Variants in PLXDC2 observed in about 807,000 individuals in gnomAD.
The protein encoded by PLXDC2 is plexin domain-containing protein 2.
In PLXDC2, 40 loss-of-function variants were observed where a neutral mutation model predicts 68.9. The observed-to-expected ratio is 0.58, with a 90% CI of 0.45 to 0.76. PLXDC2 has a LOEUF of 0.76. PLXDC2 is among the 30% of genes least tolerant of loss of function. The probability of loss-of-function intolerance (pLI) is 0.00; values close to 1 mark genes in which losing one functional copy is unlikely to be tolerated. For missense variants in PLXDC2, 644 were observed against 661.9 expected (o/e 0.97, Z 0.30); for synonymous variants, 243 against 234.2 (o/e 1.04, Z -0.34).
chr10:20,090,412 T>TC (rs2131729882), intron 4 of PLXDC2, among the ~76,000 whole-genome samples: 1 of 152,182 alleles, frequency 6.6e-6, no homozygotes, highest in East Asian at 1.9e-4. Context: ...GTGAGAACAG[T>TC]CAATGAATGA....
At chr10:19,911,167 T>C (rs1216106020) in intron 1 of PLXDC2, among the ~76,000 whole-genome samples, 1 of 151,848 alleles carries the variant, frequency 6.6e-6, no homozygotes, top group Non-Finnish European at 1.5e-5. Context: ...GACCATATAA[T>C]ATTTGAAAGT....
intron 4 of PLXDC2, among the ~76,000 whole-genome samples, chr10:20,069,274 T>A (rs1021533685): frequency 6.6e-6 from 1 of 152,134 alleles, no homozygotes; most frequent in Non-Finnish European, 1.5e-5. Flanking sequence ...CTCTGAGTGA[T>A]GGTAAATAAG....
At chr10:20,067,603 T>C (rs988380444) in intron 3 of PLXDC2, among the ~76,000 whole-genome samples, 9 of 151,656 alleles carry the variant, frequency 5.9e-5, no homozygotes, top group Non-Finnish European at 7.4e-5. Context: ...AGGAGAATTG[T>C]TTGAACCCAG....
At chr10:20,258,896 T>C (rs1323314227) in intron 13 of PLXDC2, among the ~76,000 whole-genome samples, 1 of 151,522 alleles carries the variant, frequency 6.6e-6, no homozygotes, top group African/African-American at 2.4e-5. Context: ...TAGTCCCAGC[T>C]ACTCAGGAGG....
intron 13 of PLXDC2, among the ~76,000 whole-genome samples, chr10:20,266,410 T>C (rs1276756055): frequency 1.3e-5 from 2 of 151,002 alleles, no homozygotes; most frequent in Non-Finnish European, 3.0e-5. Flanking sequence ...GAACAATTGT[T>C]GTTTATTGAA....
At chr10:19,852,409 G>T in intron 1 of PLXDC2, among the ~76,000 whole-genome samples, 1 of 109,106 alleles carries the variant, frequency 9.2e-6, no homozygotes, top group South Asian at 3.3e-4. Context: ...CTGGGTGACA[G>T]AGCAAGACCC....
intron 1 of PLXDC2, among the ~76,000 whole-genome samples, chr10:19,830,946 T>C (rs1836678389): frequency 6.6e-6 from 1 of 152,148 alleles, no homozygotes; most frequent in Admixed American, 6.5e-5. Flanking sequence ...AGGACTCTTC[T>C]TCCCACTAAA....
chr10:20,143,795 A>T (rs1195459734), intron 5 of PLXDC2, among the ~76,000 whole-genome samples: 1 of 152,112 alleles, frequency 6.6e-6, no homozygotes, highest in Non-Finnish European at 1.5e-5. Flanking sequence ...TAATATATTG[A>T]CATTAAATTT....
intron 1 of PLXDC2, among the ~76,000 whole-genome samples, chr10:19,890,192 T>A (rs1392833620): frequency 2.6e-5 from 4 of 152,232 alleles, no homozygotes; most frequent in African/African-American, 9.6e-5. Flanking sequence ...ATAGTCATGA[T>A]AGAGAACTGC....
chr10:19,928,460 T>C (rs11011682), intron 1 of PLXDC2, among the ~76,000 whole-genome samples: 22,442 of 152,158 alleles, frequency 0.15, 2,123 homozygotes, highest in East Asian at 0.28. Flanking sequence ...TTTACAAATA[T>C]ACCTTTTTGT....
intron 4 of PLXDC2, chr10:20,091,870 T>C (rs1833281977): frequency 6.6e-6 from 1 of 152,202 alleles, no homozygotes; most frequent in African/African-American, 2.4e-5. Flanking sequence ...TTGTAAAACA[T>C]CTGTTCCCCT....
chr10:19,858,187 A>G (rs140700762), intron 1 of PLXDC2, among the ~76,000 whole-genome samples: 217 of 152,262 alleles, frequency 1.4e-3, no homozygotes, highest in African/African-American at 4.9e-3. Flanking sequence ...CAAATTTTCA[A>G]GCAAAAATCT....
At chr10:19,935,563 C>T (rs1018588665) in intron 1 of PLXDC2, among the ~76,000 whole-genome samples, 8 of 152,198 alleles carry the variant, frequency 5.3e-5, no homozygotes, top group Non-Finnish European at 1.2e-4. Context: ...ATGCACACAT[C>T]TGGCTATTCC....
chr10:19,960,122 C>G (rs972657228), intron 1 of PLXDC2, among the ~76,000 whole-genome samples: 4 of 140,994 alleles, frequency 2.8e-5, no homozygotes, highest in African/African-American at 1.1e-4. Context: ...CTTTGGGGGG[C>G]TGAGGTAGAA....
In PLXDC2 at chr10:19,901,971, G is replaced by T. The variant is rs545224234; in HGVS notation, c.112+84780G>T. Reference sequence around the variant, plus strand: ...TTATGTTTTTGTTTGCTTTGTTGAAGTCAGTTGGCTATAAGTATTTGGCTT... The same window carrying T: ...TTATGTTTTTGTTTGCTTTGTTGAATTCAGTTGGCTATAAGTATTTGGCTT... On this transcript the variant is annotated intron_variant, in intron 1 of 13. Coordinates refer to ENST00000377252, the MANE Select transcript of PLXDC2 (RefSeq NM_032812.9). Among the ~76,000 whole-genome samples, 19 of 152,044 alleles carry T rather than the reference G, an allele frequency of 1.2e-4. 1 individual carries two copies. Among genetic ancestry groups the T allele is most frequent in the Non-Finnish European group, 2.5e-4 (17 of 67,980 alleles).
chr10:20,151,179 G>T (rs1471686126), intron 6 of PLXDC2, among the ~76,000 whole-genome samples: 3 of 152,052 alleles, frequency 2.0e-5, no homozygotes, highest in African/African-American at 7.2e-5. Flanking sequence ...TGTAAAATTT[G>T]TCGTAAGAGA....
At chr10:19,912,889 A>G (rs1051829516) in intron 1 of PLXDC2, among the ~76,000 whole-genome samples, 1 of 152,210 alleles carries the variant, frequency 6.6e-6, no homozygotes, top group African/African-American at 2.4e-5. Flanking sequence ...TCCTAACTGT[A>G]TAGTGCAGAA....
intron 2 of PLXDC2, among the ~76,000 whole-genome samples, chr10:20,019,692 G>A (rs746942005): frequency 7.2e-4 from 110 of 152,156 alleles, no homozygotes; most frequent in Non-Finnish European, 1.3e-3. Context: ...GCCATCTGAA[G>A]ACCAGGAAGA....
intron 13 of PLXDC2, among the ~76,000 whole-genome samples, chr10:20,247,324 A>G (rs1835612043): frequency 6.6e-6 from 1 of 151,874 alleles, no homozygotes; most frequent in Non-Finnish European, 1.5e-5. Context: ...AAAAAAGAAA[A>G]AAATGAATGG....
Sources: allele counts gnomAD v4.1 joint callset (sites outside exome capture counted in the v4.1 genomes callset), GRCh38; gene constraint gnomAD v4.1.1; transcripts MANE v1.5; gene names NCBI Gene and HGNC (gene_info 2026-07-23, HGNC 2026-07-21).